The following RIOK3 variants were observed in gnomAD, a reference collection of about 807,000 sequenced individuals.
RIOK3 encodes the protein serine/threonine-protein kinase RIO3.
Under a neutral mutation model 63.5 loss-of-function variants are expected in RIOK3, and 40 were observed. That is an observed-to-expected ratio of 0.63 (90% confidence interval 0.49 to 0.82). The LOEUF is 0.82. Ranked by LOEUF, RIOK3 falls within the 40% of genes least tolerant of loss-of-function variation. The probability of loss-of-function intolerance (pLI) is 0.00; values close to 1 mark genes in which losing one functional copy is unlikely to be tolerated. For synonymous variants in RIOK3, 193 were observed against 205.0 expected (o/e 0.94, Z 0.50); for missense variants, 557 against 637.0 (o/e 0.87, Z 1.35).
chr18:23,469,336 T>C lies in RIOK3; in HGVS notation c.815+1810T>C, dbSNP rs868027231. ...CTCTCTCTCTCTCTCTCTCTCTCTC[T>C]CCCCCTCTCTCCCCCTCTCTCCCTC... On this transcript the variant is annotated intron_variant, in intron 7 of 12. Transcript: ENST00000339486. 8.3e-4 allele frequency among the ~76,000 whole-genome samples: 12 copies of C among 14,532 alleles called. No individual in the cohort carries two copies. The East Asian group carries it at 0.011, about 14-fold the overall frequency. The allele number at this position is 14,532 out of a possible 152,430, so 9.5% of individuals were successfully genotyped here. A position where few individuals can be genotyped will look rare whatever the true frequency, so the allele number is the denominator to read the frequency against.
At chr18:23,479,162 T>C in intron 11 of RIOK3, 155 bp from the exon 12 acceptor site, 1 of 540,930 alleles carries the variant, frequency 1.8e-6, no homozygotes, top group East Asian at 2.9e-5. Flanking sequence ...TCCTAATGAT[T>C]CTGCCTTTGA....
intron 1 of RIOK3, among the ~76,000 whole-genome samples, chr18:23,458,875 T>G (rs1224772336): frequency 1.3e-5 from 2 of 152,164 alleles, no homozygotes; most frequent in Non-Finnish European, 2.9e-5. Flanking sequence ...GGCTTTTAAT[T>G]GTTGGCTTGA....
intron 1 of RIOK3, among the ~76,000 whole-genome samples, chr18:23,457,141 C>T (rs572131379): frequency 5.9e-5 from 9 of 152,056 alleles, no homozygotes; most frequent in African/African-American, 2.2e-4. Context: ...TTCATAGACC[C>T]TCTGAATGGG....
rs1387593800 is a variant in RIOK3, at chr18:23,477,030, T to C, written c.1198T>C (p.Cys400Arg). 2 of 1,613,774 alleles carry C rather than the reference T, an allele frequency of 1.2e-6. No individual in the cohort carries two copies. Among genetic ancestry groups the C allele is most frequent in the African/African-American group, 1.3e-5 (1 of 74,938 alleles). ...GTTGATGCGGCAGTTATATCATGAA[T>C]GTACGCTTGTCCATGCTGACCTCAG... ...LHLMRQLYHE[C>R]TLVHADLSEY... The change falls in exon 10 of 13, where the codon TGT becomes CGT. Residue 400 changes from cysteine to arginine, a missense_variant. Coordinates refer to ENST00000339486, the MANE Select transcript of RIOK3 (RefSeq NM_003831.5).
At chr18:23,453,601 C>A in intron 1 of RIOK3, 99 bp downstream of exon 1, 1 of 1,104,050 alleles carries the variant, frequency 9.1e-7, no homozygotes, top group Non-Finnish European at 1.4e-6. Flanking sequence ...TCGGGAAGTT[C>A]TGGGGCGGGA....
intron 2 of RIOK3, 189 bp downstream of exon 2, chr18:23,463,268 G>C: frequency 4.3e-6 from 2 of 466,184 alleles, no homozygotes; most frequent in Non-Finnish European, 3.8e-6. Flanking sequence ...ACAAACCACT[G>C]TTTCTGTGGG....
chr18:23,467,764 A>ATAT (rs34323259), intron 7 of RIOK3, among the ~76,000 whole-genome samples: 2,452 of 150,428 alleles, frequency 0.016, 28 homozygotes, highest in African/African-American at 0.041. Flanking sequence ...TTCAATGCGT[A>ATAT]TATTATTATT....
chr18:23,453,694 G>A (rs2057319490), intron 1 of RIOK3, among the ~76,000 whole-genome samples, 192 bp downstream of exon 1: 1 of 152,256 alleles, frequency 6.6e-6, no homozygotes, highest in Non-Finnish European at 1.5e-5. Flanking sequence ...GCGGAGGGCG[G>A]CTGGATCTCC....
chr18:23,457,392 G>A (rs2057347792), intron 1 of RIOK3, among the ~76,000 whole-genome samples: 1 of 152,226 alleles, frequency 6.6e-6, no homozygotes. Flanking sequence ...AACAGCCTAA[G>A]AGGAGCTTAA....
chr18:23,465,720 A>G (rs1393026805), intron 5 of RIOK3, among the ~76,000 whole-genome samples: 1 of 152,254 alleles, frequency 6.6e-6, no homozygotes, highest in African/African-American at 2.4e-5. Context: ...GCACAGTTCT[A>G]GAACATAATT....
At chr18:23,477,705 G>A (rs2057501941) in intron 11 of RIOK3, among the ~76,000 whole-genome samples, 1 of 151,052 alleles carries the variant, frequency 6.6e-6, no homozygotes. Context: ...AGAGGCTGCA[G>A]TGAGCCAAGA....
intron 1 of RIOK3, chr18:23,456,390 G>A (rs912662501): frequency 6.6e-6 from 1 of 151,970 alleles, no homozygotes; most frequent in Non-Finnish European, 1.5e-5. Flanking sequence ...GATGGTAGTG[G>A]GTTATCAGAA....
At chr18:23,467,817 C>G (rs2145684390) in intron 7 of RIOK3, among the ~76,000 whole-genome samples, 1 of 151,776 alleles carries the variant, frequency 6.6e-6, no homozygotes, top group Non-Finnish European at 1.5e-5. Flanking sequence ...ACTCTTGTTC[C>G]CCAGGCTGGA....
chr18:23,479,462 T>A (rs761406369), intron 12 of RIOK3, 38 bp downstream of exon 12: 1 of 1,227,850 alleles, frequency 8.1e-7, no homozygotes, highest in Non-Finnish European at 1.2e-6. Flanking sequence ...TTGCTGGTCA[T>A]GCAGAACTGC....
At chr18:23,467,073 T>C (rs1275451949) in intron 6 of RIOK3, among the ~76,000 whole-genome samples, 1 of 151,666 alleles carries the variant, frequency 6.6e-6, no homozygotes, top group Non-Finnish European at 1.5e-5. Context: ...CCCAGCACTT[T>C]GGGAGGCCAA....
chr18:23,469,896 C>T (rs1221748511), intron 7 of RIOK3, among the ~76,000 whole-genome samples: 1 of 152,100 alleles, frequency 6.6e-6, no homozygotes, highest in Non-Finnish European at 1.5e-5. Context: ...ATTTTTTACT[C>T]TCAAAGAGCT....
chr18:23,455,371 C>T (rs1305935164), intron 1 of RIOK3, among the ~76,000 whole-genome samples: 3 of 149,254 alleles, frequency 2.0e-5, no homozygotes, highest in Non-Finnish European at 4.4e-5. Context: ...CCATGCCCAA[C>T]GTCTTTCTTT....
intron 5 of RIOK3, 115 bp from the exon 6 acceptor site, chr18:23,466,018 T>A (rs2057404328): frequency 2.9e-6 from 2 of 679,984 alleles, no homozygotes; most frequent in Non-Finnish European, 4.6e-6. Flanking sequence ...ATTTCTGGTT[T>A]TCTAGTGTGA....
chr18:23,457,933 C>T (rs1331262496), intron 1 of RIOK3, among the ~76,000 whole-genome samples: 1 of 151,288 alleles, frequency 6.6e-6, no homozygotes, highest in Admixed American at 6.6e-5. Context: ...CTCACTCTAT[C>T]GCCCAGGCTG....
Sources: allele counts gnomAD v4.1 joint callset (sites outside exome capture counted in the v4.1 genomes callset), GRCh38; gene constraint gnomAD v4.1.1; transcripts MANE v1.5; gene names NCBI Gene and HGNC (gene_info 2026-07-23, HGNC 2026-07-21).